The following UBL7 variants were observed in gnomAD, a reference collection of about 807,000 sequenced individuals.
The protein encoded by UBL7 is ubiquitin like 7.
In UBL7, 21 loss-of-function variants were observed where a neutral mutation model predicts 41.7. That is an observed-to-expected ratio of 0.50 (90% CI 0.36 to 0.73). UBL7 has a LOEUF of 0.73. Among genes scored for constraint, UBL7 ranks in the 30% least tolerant of loss-of-function variants. UBL7 has a pLI of 0.00. For synonymous variants in UBL7, 157 were observed against 186.9 expected (o/e 0.84, Z 1.31); for missense variants, 403 against 478.4 (o/e 0.84, Z 1.47).
intron 9 of UBL7, 127 bp from the exon 10 acceptor site, chr15:74,448,727 G>A (rs1342141700): frequency 1.5e-6 from 2 of 1,338,080 alleles, no homozygotes; most frequent in Non-Finnish European, 2.1e-6. Flanking sequence ...ACAAAGACCT[G>A]CCATAAGACA....
intron 3 of UBL7, 63 bp downstream of exon 3, chr15:74,456,488 CA>C: frequency 6.3e-7 from 1 of 1,597,920 alleles, no homozygotes; most frequent in Non-Finnish European, 8.6e-7. Flanking sequence ...CTCAAGAACA[CA>C]CAGATCCTTC....
At chr15:74,454,913 G>C (rs1045050699) in intron 3 of UBL7, among the ~76,000 whole-genome samples, 2 of 152,214 alleles carry the variant, frequency 1.3e-5, no homozygotes, top group Non-Finnish European at 2.9e-5. Flanking sequence ...AGCCAAGATA[G>C]AAAGATACTT....
At chr15:74,454,392 A>G (rs2141321299) in intron 3 of UBL7, among the ~76,000 whole-genome samples, 1 of 151,708 alleles carries the variant, frequency 6.6e-6, no homozygotes, top group Admixed American at 6.5e-5. Flanking sequence ...GTAAGAGGAT[A>G]TTAGAAAGGA....
Position 74,450,829 on chromosome 15 carries a change from A to G in UBL7, c.503T>C (p.Val168Ala), listed in dbSNP as rs765670676. 19 of 1,613,636 alleles carry G rather than the reference A, an allele frequency of 1.2e-5. No individual in the cohort carries two copies. In the South Asian group the frequency reaches 2.1e-4, roughly 18 times the overall value. Residue 168 changes from valine (V) to alanine (A), a missense_variant, in exon 6 of 11, where the codon GTC becomes GCC. Transcript: ENST00000395081. ...GVLQDKDLFS[V>A]FADPNMLDTL... ...ATCAAGCATATTGGGATCAGCGAAG[A>G]CAGAGAAGAGGTCCTTGTCCTGGAG...
Position 74,461,041 on chromosome 15 carries a change from C to G in UBL7, c.-34G>C. 1 of 1,047,072 alleles carries G rather than the reference C, an allele frequency of 9.6e-7. No homozygotes were observed. Among genetic ancestry groups the G allele is most frequent in the Non-Finnish European group, 1.2e-6 (1 of 864,254 alleles). The allele number at this position is 1,047,072 out of a possible 1,614,324, so 64.9% of individuals were successfully genotyped here. A position where few individuals can be genotyped will look rare whatever the true frequency, so the allele number is the denominator to read the frequency against. ...ACTATCCGGTGGCGACCTCACCGCT[C>G]CAGTGGGACCAGCTACTTGGCTGAC... On this transcript the variant is annotated 5_prime_UTR_variant, in exon 1 of 11. Transcript: ENST00000395081.
intron 6 of UBL7, among the ~76,000 whole-genome samples, 189 bp downstream of exon 6, chr15:74,450,613 C>T (rs2061234943): frequency 6.6e-6 from 1 of 152,190 alleles, no homozygotes; most frequent in Non-Finnish European, 1.5e-5. Flanking sequence ...AATCCTGCTT[C>T]CTCCCAGCAC....
At chr15:74,449,377 T>A (rs1389338322) in intron 8 of UBL7, 24 bp from the exon 9 acceptor site, 2 of 1,613,380 alleles carry the variant, frequency 1.2e-6, no homozygotes, top group Non-Finnish European at 1.7e-6. Flanking sequence ...ACACTCAGAA[T>A]CAGGGAAGCA....
At chr15:74,456,740 C>G in intron 2 of UBL7, 69 bp from the exon 3 acceptor site, 1 of 1,542,228 alleles carries the variant, frequency 6.5e-7, no homozygotes, top group Non-Finnish European at 8.9e-7. Flanking sequence ...GTCCCGAGAA[C>G]CTTATTTTGA....
chr15:74,454,875 T>C (rs1352240939), intron 3 of UBL7, among the ~76,000 whole-genome samples: 1 of 152,216 alleles, frequency 6.6e-6, no homozygotes, highest in East Asian at 1.9e-4. Context: ...AAGCTGTAAT[T>C]GGCCAAGAAG....
At chr15:74,454,179 AC>A (rs1241477898) in intron 3 of UBL7, among the ~76,000 whole-genome samples, 1 of 152,196 alleles carries the variant, frequency 6.6e-6, no homozygotes, top group African/African-American at 2.4e-5. Flanking sequence ...TAATGCTGTT[AC>A]CTACCCTGCA....
chr15:74,460,995 C>G (rs1046859651), intron 1 of UBL7, 42 bp downstream of exon 1: 1 of 1,103,362 alleles, frequency 9.1e-7, no homozygotes, highest in Non-Finnish European at 1.1e-6. Flanking sequence ...GGTCACAGAT[C>G]GCTAGTAATG....
intron 4 of UBL7, among the ~76,000 whole-genome samples, chr15:74,451,757 T>C (rs1213231478): frequency 6.6e-6 from 1 of 151,986 alleles, no homozygotes; most frequent in Non-Finnish European, 1.5e-5. Flanking sequence ...CAAATCTCTG[T>C]GCTCCTTTTC....
At chr15:74,452,534 C>T (rs184022349) in intron 3 of UBL7, among the ~76,000 whole-genome samples, 156 bp from the exon 4 acceptor site, 7 of 152,322 alleles carry the variant, frequency 4.6e-5, no homozygotes, top group African/African-American at 1.7e-4. Flanking sequence ...CTCAGAAAAA[C>T]CCATTTGTGC....
rs2061186807 is a variant in UBL7, at chr15:74,446,658, CT to C, written c.1006-432del. Among the ~76,000 whole-genome samples the C allele has an allele frequency of 6.6e-6, 1 of 152,132 alleles. No homozygotes were observed. The highest frequency in any genetic ancestry group is 2.4e-5 in the African/African-American group (1 of 41,422). On this transcript the variant is annotated intron_variant, in intron 10 of 10. Transcript: ENST00000395081. This position sits in a 1 kb window ranked among gnomAD's most constrained non-coding sequence, Gnocchi z 4.1. Reference sequence around the variant, plus strand: ...TGGTTTGCCACGCAGAAATTTTCACCTTTTTTTAAATGTCTTAAATTTTTGT... The same window carrying C: ...TGGTTTGCCACGCAGAAATTTTCACCTTTTTTAAATGTCTTAAATTTTTGT...
intron 3 of UBL7, among the ~76,000 whole-genome samples, chr15:74,453,554 T>G (rs899546711): frequency 4.6e-5 from 7 of 152,120 alleles, no homozygotes; most frequent in Non-Finnish European, 2.9e-5. Context: ...CAAGCCTGAA[T>G]GAGAACATGT....
In UBL7 at chr15:74,446,568, G is replaced by A. The variant is rs1017117102; in HGVS notation, c.1006-341C>T. On this transcript the variant is annotated intron_variant, in intron 10 of 10. Coordinates refer to ENST00000395081, the MANE Select transcript of UBL7 (RefSeq NM_032907.5). The surrounding 1 kb of genome is among the most constrained non-coding windows in gnomAD (Gnocchi z 4.1). ...AGCAAGATTTTGCTCTTTATGTGATGAGTGTTACAGATTTTTTTCCCAGTT... is the reference window on the plus strand; with the variant it reads ...AGCAAGATTTTGCTCTTTATGTGATAAGTGTTACAGATTTTTTTCCCAGTT... 2.0e-5 allele frequency among the ~76,000 whole-genome samples: 3 copies of A among 152,212 alleles called. No individual in the cohort carries two copies. The highest frequency in any genetic ancestry group is 7.2e-5 in the African/African-American group (3 of 41,464).
chr15:74,458,911 A>C lies in UBL7; in HGVS notation c.-29-15T>G. ...TCTCTTTCTCCCTGTAAAAGAACAA[A>C]ACCTCAGTGGTTAAAAGACAGACCA... On this transcript the variant is annotated splice_polypyrimidine_tract_variant and intron_variant, in intron 1 of 10. Coordinates refer to ENST00000395081, the MANE Select transcript of UBL7 (RefSeq NM_032907.5). 1.2e-6 allele frequency: 2 copies of C among 1,600,346 alleles called. No individual in the cohort carries two copies. Among genetic ancestry groups the C allele is most frequent in the Non-Finnish European group, 1.7e-6 (2 of 1,178,644 alleles).
In UBL7 at chr15:74,458,705, C is replaced by G. The variant is rs765216377; in HGVS notation, c.163G>C (p.Val55Leu). The G allele has an allele frequency of 1.5e-5, 24 of 1,614,036 alleles. No homozygotes were observed. Among genetic ancestry groups the G allele is most frequent in the East Asian group, 2.2e-5 (1 of 44,884 alleles). The part of the protein sequence containing the change: ...QLIAGKLQES[V>L]PDPELIDLIY... The stretch of plus-strand genomic sequence containing the variant: ...TCACCAATCAGCTCAGGGTCTGGAA[C>G]AGACTCCTGGAGTTTGCCAGCAATA... The change falls in exon 2 of 11, where the codon GTT (valine) becomes CTT (leucine). Residue 55 changes from valine (V) to leucine (L), a missense_variant. Transcript: ENST00000395081.
At chr15:74,449,107 C>CAA (rs2061214768) in intron 9 of UBL7, 79 bp downstream of exon 9, 1 of 1,477,946 alleles carries the variant, frequency 6.8e-7, no homozygotes. Flanking sequence ...CCAGGGTCAG[C>CAA]AAAGGCAAAT....
Sources: allele counts gnomAD v4.1 joint callset (sites outside exome capture counted in the v4.1 genomes callset), GRCh38; gene constraint gnomAD v4.1.1; non-coding constraint Gnocchi (gnomAD v3.1); transcripts MANE v1.5; gene names NCBI Gene and HGNC (gene_info 2026-07-23, HGNC 2026-07-21).